RASGRF2: variants seen among roughly 807,000 people sequenced by gnomAD.
The protein encoded by RASGRF2 is ras-specific guanine nucleotide-releasing factor 2.
Under a neutral mutation model 151.0 loss-of-function variants are expected in RASGRF2, and 76 were observed. The observed-to-expected ratio is 0.50, with a 90% CI of 0.42 to 0.61. The LOEUF is 0.61. Ranked by LOEUF, RASGRF2 falls within the 20% of genes least tolerant of loss-of-function variation. RASGRF2 has a pLI of 0.00. For missense variants in RASGRF2, 1,148 were observed against 1,564.6 expected, an observed-to-expected ratio of 0.73 and a Z score of 4.49; for synonymous variants, 504 against 566.5, an observed-to-expected ratio of 0.89 and a Z score of 1.57.
chr5:81,024,249 A>ATTTTTTTTTTTTTTTTTTT (rs397884951), intron 1 of RASGRF2, among the ~76,000 whole-genome samples: 94 of 71,686 alleles, frequency 1.3e-3, no homozygotes, highest in African/African-American at 3.2e-3. Flanking sequence ...TATTCATATA[A>ATTTTTTTTTTTTTTTTTTT]TTTTTTTTTT....
intron 17 of RASGRF2, 53 bp downstream of exon 17, chr5:81,127,216 T>C (rs1753480921): frequency 6.5e-7 from 1 of 1,539,770 alleles, no homozygotes; most frequent in Non-Finnish European, 8.9e-7. Context: ...ATTAAGTCAG[T>C]GGCCCGTGTC....
chr5:81,162,490 G>A (rs1237828573), intron 17 of RASGRF2, among the ~76,000 whole-genome samples: 1 of 152,150 alleles, frequency 6.6e-6, no homozygotes, highest in African/African-American at 2.4e-5. Context: ...TGGGACTACA[G>A]GCACATGCCA....
At position 81,217,550 on chromosome 5, in the gene RASGRF2, A is replaced by C. The variant is rs1755765785; in HGVS notation, c.3552+77A>C. On this transcript the variant is annotated intron_variant, in intron 25 of 26. Coordinates refer to ENST00000265080, the MANE Select transcript of RASGRF2 (RefSeq NM_006909.3). ...AGAAGAGGCTAAGTAATAAAAGTCAATGTCTGCTTTTTTTTTTTCTCTTCT... is the reference window on the plus strand; with the variant it reads ...AGAAGAGGCTAAGTAATAAAAGTCACTGTCTGCTTTTTTTTTTTCTCTTCT... 3 of 865,694 alleles carry C rather than the reference A, an allele frequency of 3.5e-6. No homozygotes were observed. The South Asian group carries it at 1.1e-4, about 31-fold the overall frequency. The allele number at this position is 865,694 out of a possible 1,614,324, so 53.6% of individuals were successfully genotyped here. A position where few individuals can be genotyped will look rare whatever the true frequency, so the allele number is the denominator to read the frequency against.
intron 17 of RASGRF2, among the ~76,000 whole-genome samples, chr5:81,169,651 C>A (rs566704404): frequency 1.3e-5 from 2 of 152,296 alleles, no homozygotes; most frequent in East Asian, 3.9e-4. Flanking sequence ...AATAAAGTAA[C>A]CTTCACAGGT....
intron 17 of RASGRF2, among the ~76,000 whole-genome samples, chr5:81,159,637 G>A (rs773497054): frequency 6.6e-6 from 1 of 152,168 alleles, no homozygotes; most frequent in Non-Finnish European, 1.5e-5. Context: ...TAATTGGATT[G>A]TGGTTATGAT....
intron 18 of RASGRF2, among the ~76,000 whole-genome samples, chr5:81,196,518 C>T (rs547425639): frequency 6.6e-6 from 1 of 152,300 alleles, no homozygotes; most frequent in East Asian, 1.9e-4. Context: ...CCTCTCAGAC[C>T]AGTCTTCCCA....
At chr5:81,059,605 G>C (rs1005476759) in intron 2 of RASGRF2, among the ~76,000 whole-genome samples, 1 of 151,948 alleles carries the variant, frequency 6.6e-6, no homozygotes, top group African/African-American at 2.4e-5. Context: ...CCAGCACTCT[G>C]GGAGGCTGAG....
At chr5:81,121,089 G>T (rs1456870767) in intron 15 of RASGRF2, among the ~76,000 whole-genome samples, 1 of 152,080 alleles carries the variant, frequency 6.6e-6, no homozygotes, top group East Asian at 1.9e-4. Flanking sequence ...GCATGAGTCT[G>T]AAAGTTGTGT....
intron 26 of RASGRF2, chr5:81,223,389 C>T (rs1755896927): frequency 1.3e-5 from 2 of 152,196 alleles, no homozygotes; most frequent in Admixed American, 1.3e-4. Flanking sequence ...CGCCTGTAAT[C>T]CCAGCACTTT....
chr5:80,971,288 T>G, intron 1 of RASGRF2, among the ~76,000 whole-genome samples: 1 of 152,248 alleles, frequency 6.6e-6, no homozygotes, highest in East Asian at 1.9e-4. Flanking sequence ...CATAGAATGC[T>G]TTTGCCAGTT....
intron 15 of RASGRF2, among the ~76,000 whole-genome samples, chr5:81,121,420 AG>A (rs1165393123): frequency 1.3e-5 from 2 of 152,148 alleles, no homozygotes; most frequent in East Asian, 3.8e-4. Context: ...TATTCATTTC[AG>A]GGCATGTTTT....
intron 1 of RASGRF2, among the ~76,000 whole-genome samples, chr5:80,996,170 C>T (rs1408371867): frequency 1.3e-5 from 2 of 152,178 alleles, no homozygotes; most frequent in East Asian, 3.9e-4. Flanking sequence ...CTTGATTTTA[C>T]AACTTAAACT....
chr5:81,168,287 C>T (rs544514533), intron 17 of RASGRF2, among the ~76,000 whole-genome samples: 31 of 149,108 alleles, frequency 2.1e-4, no homozygotes, highest in Non-Finnish European at 3.8e-4. Context: ...CTATAGCATG[C>T]CAGCGTCTTT....
intron 17 of RASGRF2, among the ~76,000 whole-genome samples, chr5:81,140,027 C>G (rs1446825071): frequency 6.6e-6 from 1 of 151,998 alleles, no homozygotes; most frequent in Non-Finnish European, 1.5e-5. Flanking sequence ...TGAGGTCTCT[C>G]CACGTTGCCC....
intron 17 of RASGRF2, among the ~76,000 whole-genome samples, chr5:81,150,289 C>T (rs151177330): frequency 6.6e-6 from 1 of 152,294 alleles, no homozygotes; most frequent in Non-Finnish European, 1.5e-5. Context: ...CTGGGGCAGC[C>T]TCTTTAAGTC....
At chr5:81,061,510 A>G (rs1424705850) in intron 2 of RASGRF2, among the ~76,000 whole-genome samples, 1 of 125,954 alleles carries the variant, frequency 7.9e-6, no homozygotes, top group African/African-American at 2.9e-5. Context: ...ATTAAGAAGG[A>G]CTTTTTTTTT....
At chr5:80,973,683 A>G (rs1261727650) in intron 1 of RASGRF2, among the ~76,000 whole-genome samples, 3 of 152,216 alleles carry the variant, frequency 2.0e-5, no homozygotes, top group East Asian at 3.9e-4. Context: ...ACAGGTCTCT[A>G]TGATACTCCA....
chr5:81,179,932 A>G (rs577310237), intron 17 of RASGRF2, among the ~76,000 whole-genome samples: 87 of 152,334 alleles, frequency 5.7e-4, no homozygotes, highest in African/African-American at 1.8e-3. Context: ...AGCTTTAATC[A>G]GTGGTCTTCA....
At chr5:81,030,739 C>T (rs758087185) in intron 1 of RASGRF2, among the ~76,000 whole-genome samples, 3 of 152,204 alleles carry the variant, frequency 2.0e-5, no homozygotes, top group Non-Finnish European at 2.9e-5. Context: ...GAAACCGCAT[C>T]AACTAAGGAG....
Sources: gnomAD v4.1 joint callset for allele counts (sites outside exome capture counted in the v4.1 genomes callset) on GRCh38, gnomAD v4.1.1 for gene constraint, MANE v1.5 for transcripts, NCBI Gene and HGNC (gene_info 2026-07-23, HGNC 2026-07-21) for gene names.